Variants in LRTM3 observed in about 807,000 individuals in gnomAD.
LRTM3 encodes leucine rich repeat transmembrane protein 3.
chr13:102,736,293 G>A, the LRTM3 span: 1 of 1,551,044 alleles, frequency 6.4e-7, no homozygotes, highest in South Asian at 1.2e-5. Context: ...CCCCACTGTG[G>A]CTCCTTTCTC....
chr13:102,748,948 T>C, the LRTM3 span: 1 of 1,550,756 alleles, frequency 6.4e-7, no homozygotes, highest in Non-Finnish European at 8.7e-7. Flanking sequence ...TCTCTGTATC[T>C]GGTGACTTAT....
chr13:102,753,682 C>T, the LRTM3 span, among the ~76,000 whole-genome samples: 1 of 152,094 alleles, frequency 6.6e-6, no homozygotes, highest in African/African-American at 2.4e-5. Context: ...ATGGCAGCCC[C>T]AGCAATCTAC....
the LRTM3 span, chr13:102,740,098 T>A: frequency 6.5e-7 from 1 of 1,549,060 alleles, no homozygotes; most frequent in Non-Finnish European, 8.7e-7. Flanking sequence ...GCAGACATAC[T>A]TCTTTTTGTA....
the LRTM3 span, chr13:102,732,649 C>T: frequency 6.4e-7 from 1 of 1,551,154 alleles, no homozygotes; most frequent in Non-Finnish European, 8.7e-7. Context: ...TTTGAGATTC[C>T]TCTGCCTTTA....
At chr13:102,757,850 G>A in the LRTM3 span, among the ~76,000 whole-genome samples, 2 of 152,110 alleles carry the variant, frequency 1.3e-5, no homozygotes, top group African/African-American at 4.8e-5. Flanking sequence ...ACTATATTAT[G>A]GTTTGAATCC....
the LRTM3 span, chr13:102,730,033 T>G: frequency 2.6e-6 from 4 of 1,551,616 alleles, no homozygotes; most frequent in Non-Finnish European, 3.5e-6. Flanking sequence ...TAGACTGAAT[T>G]TCCGCAGTAT....
At chr13:102,734,635 T>G in the LRTM3 span, 1 of 1,551,110 alleles carries the variant, frequency 6.4e-7, no homozygotes, top group African/African-American at 1.4e-5. Context: ...TAACATCTTT[T>G]GGGATATCAC....
chr13:102,731,823 G>A, the LRTM3 span: 1 of 1,549,524 alleles, frequency 6.5e-7, no homozygotes. Flanking sequence ...TGATCCCTTT[G>A]CTTGGGTAAC....
At chr13:102,747,469 T>C in the LRTM3 span, 1 of 1,529,768 alleles carries the variant, frequency 6.5e-7, no homozygotes, top group South Asian at 1.2e-5. Context: ...TTTCTGATAA[T>C]TTTTTTTTAA....
chr13:102,737,484 C>G, the LRTM3 span: 12 of 1,550,590 alleles, frequency 7.7e-6, no homozygotes, highest in Non-Finnish European at 1.0e-5. Flanking sequence ...TGCTGTTGCT[C>G]TTCAGTTTCT....
At chr13:102,734,019 G>T in the LRTM3 span, 1 of 1,551,410 alleles carries the variant, frequency 6.4e-7, no homozygotes, top group Middle Eastern at 1.7e-4. Context: ...TAAAGAGGAG[G>T]TGCTGACGGT....
the LRTM3 span, chr13:102,746,008 T>C: frequency 6.4e-7 from 1 of 1,551,230 alleles, no homozygotes; most frequent in Non-Finnish European, 8.7e-7. Flanking sequence ...CCAGAGCCTG[T>C]AAAGCTTTGG....
the LRTM3 span, chr13:102,748,539 G>A: frequency 6.4e-7 from 1 of 1,550,688 alleles, no homozygotes; most frequent in South Asian, 1.2e-5. Context: ...TCTGAACTTT[G>A]TAGGTCCTCC....
At chr13:102,743,553 A>T in the LRTM3 span, 4 of 1,549,058 alleles carry the variant, frequency 2.6e-6, no homozygotes, top group African/African-American at 4.1e-5. Flanking sequence ...TTCCTTTCTG[A>T]TAACTGTATT....
chr13:102,756,529 C>A, the LRTM3 span, among the ~76,000 whole-genome samples: 8 of 151,518 alleles, frequency 5.3e-5, no homozygotes, highest in Non-Finnish European at 1.2e-4. Flanking sequence ...AAAAAATTAG[C>A]CAGGTGTGAT....
At chr13:102,747,730 T>A in the LRTM3 span, 1 of 1,551,194 alleles carries the variant, frequency 6.4e-7, no homozygotes, top group South Asian at 1.2e-5. Context: ...TAGGTCTATC[T>A]GTGCTTTGCT....
chr13:102,744,736 ATCTTCCCTT>A, the LRTM3 span: 1 of 1,550,604 alleles, frequency 6.4e-7, no homozygotes, highest in African/African-American at 1.4e-5. Context: ...GAATATTTTT[ATCTTCCCTT>A]TCATGTTGTA....
the LRTM3 span, chr13:102,747,375 C>A: frequency 1.9e-6 from 3 of 1,550,104 alleles, no homozygotes; most frequent in Non-Finnish European, 2.6e-6. Context: ...TTTGAAGTAC[C>A]ACATATATTA....
At chr13:102,729,467 G>A in the LRTM3 span, 1 of 1,455,708 alleles carries the variant, frequency 6.9e-7, no homozygotes, top group Non-Finnish European at 9.1e-7. Flanking sequence ...ATGAAAAACG[G>A]TAGTAAGGGA....
Sources: gnomAD v4.1 joint callset for allele counts (sites outside exome capture counted in the v4.1 genomes callset) on GRCh38, gnomAD v4.1.1 for gene constraint, MANE v1.5 for transcripts, NCBI Gene and HGNC (gene_info 2026-07-23, HGNC 2026-07-21) for gene names.